Variants in ADGRA1 observed in about 807,000 individuals in gnomAD.
The protein encoded by ADGRA1 is adhesion G protein-coupled receptor A1, also known as G-protein coupled receptor 123.
A neutral mutation model predicts 21.3 loss-of-function variants in ADGRA1; 12 were observed. The observed-to-expected ratio is 0.56, with a 90% CI of 0.36 to 0.91. The LOEUF is 0.91. Among genes scored for constraint, ADGRA1 ranks in the 40% least tolerant of loss-of-function variants. ADGRA1 has a pLI of 0.01. For missense variants in ADGRA1, 790 were observed against 805.6 expected (o/e 0.98, Z 0.23); for synonymous variants, 385 against 368.8 (o/e 1.04, Z -0.50).
intron 4 of ADGRA1, chr10:133,102,191 A>G (rs1387098310): frequency 1.1e-5 from 5 of 455,982 alleles, no homozygotes; most frequent in Non-Finnish European, 2.2e-5. Context: ...CACCCACAGT[A>G]AGAGCATCCT....
intron 2 of ADGRA1, chr10:133,089,134 C>G (rs1851556637): frequency 1.3e-6 from 1 of 780,884 alleles, no homozygotes; most frequent in Non-Finnish European, 1.7e-6. Flanking sequence ...GCTGATCATA[C>G]TAATGAGTTG....
intron 2 of ADGRA1, among the ~76,000 whole-genome samples, chr10:133,091,874 A>G (rs1374090157): frequency 6.6e-6 from 1 of 152,134 alleles, no homozygotes; most frequent in Non-Finnish European, 1.5e-5. Flanking sequence ...TGACAGGCCC[A>G]AGGTCAAGGC....
chr10:133,105,535 G>A (rs1354059524), intron 5 of ADGRA1, among the ~76,000 whole-genome samples: 1 of 152,218 alleles, frequency 6.6e-6, no homozygotes, highest in Non-Finnish European at 1.5e-5. Flanking sequence ...TCTGCTTCCT[G>A]GAAACCAAAC....
intron 5 of ADGRA1, among the ~76,000 whole-genome samples, chr10:133,105,151 G>A (rs573963363): frequency 1.2e-4 from 18 of 152,332 alleles, no homozygotes; most frequent in African/African-American, 3.8e-4. Context: ...TGCGGTCTGG[G>A]AGGGAAGGGC....
chr10:133,089,153 T>C (rs1851557011), intron 2 of ADGRA1: 1 of 622,684 alleles, frequency 1.6e-6, no homozygotes, highest in South Asian at 8.0e-5. Context: ...TGCAGGCATA[T>C]GGCAATGTGG....
Position 133,088,694 on chromosome 10 carries a change from C to T in ADGRA1, c.-202-14C>T. ...ACCCTCCGCCCGCCCCGCTGACCGCCGCTGTCTTCACAGATGGGAGCAGCT... is the reference window on the plus strand; with the variant it reads ...ACCCTCCGCCCGCCCCGCTGACCGCTGCTGTCTTCACAGATGGGAGCAGCT... On this transcript the variant is annotated splice_polypyrimidine_tract_variant and intron_variant, in intron 1 of 6. Coordinates refer to ENST00000392607, the MANE Select transcript of ADGRA1 (RefSeq NM_001083909.3). The T allele has an allele frequency of 2.4e-6, 3 of 1,225,460 alleles. No homozygotes were observed. Among genetic ancestry groups the T allele is most frequent in the Non-Finnish European group, 3.0e-6 (3 of 983,866 alleles). The allele number at this position is 1,225,460 out of a possible 1,614,324, so 75.9% of individuals were successfully genotyped here.
At chr10:133,112,465 T>C (rs1214504104) in intron 5 of ADGRA1, among the ~76,000 whole-genome samples, 2 of 147,886 alleles carry the variant, frequency 1.4e-5, no homozygotes, top group African/African-American at 2.5e-5. Flanking sequence ...GTCAGTTATT[T>C]GGGGTCTGCG....
At chr10:133,110,198 C>G (rs1851962701) in intron 5 of ADGRA1, among the ~76,000 whole-genome samples, 1 of 152,222 alleles carries the variant, frequency 6.6e-6, no homozygotes, top group Non-Finnish European at 1.5e-5. Flanking sequence ...GGAACCTGCT[C>G]CTTCCTCCAG....
chr10:133,121,492 C>T (rs569870871), intron 5 of ADGRA1, among the ~76,000 whole-genome samples: 4 of 137,290 alleles, frequency 2.9e-5, no homozygotes, highest in African/African-American at 8.4e-5. Flanking sequence ...GTGGTGTGTG[C>T]CAGTGTGCGT....
intron 5 of ADGRA1, among the ~76,000 whole-genome samples, chr10:133,122,920 T>C (rs993500380): frequency 6.6e-6 from 1 of 151,800 alleles, no homozygotes; most frequent in Non-Finnish European, 1.5e-5. Context: ...TCACCTGGTT[T>C]CATAGCAGAT....
chr10:133,123,910 A>AC (rs1466264242), intron 5 of ADGRA1, among the ~76,000 whole-genome samples: 1 of 151,928 alleles, frequency 6.6e-6, no homozygotes, highest in Non-Finnish European at 1.5e-5. Context: ...CACTCACTTA[A>AC]CCCCATGTGC....
Position 133,116,811 on chromosome 10 carries a change from G to A in ADGRA1, c.402-10422G>A, listed in dbSNP as rs570105011. On this transcript the variant is annotated intron_variant, in intron 5 of 6. Transcript: ENST00000392607. ...TGACCCCCCAGCTCTGGTCAGTTCCGAGTCAGGCAAGGGGTGGGCAGGCGC... is the reference window on the plus strand; with the variant it reads ...TGACCCCCCAGCTCTGGTCAGTTCCAAGTCAGGCAAGGGGTGGGCAGGCGC... Among the ~76,000 whole-genome samples, 496 of 152,178 alleles carry A rather than the reference G, an allele frequency of 3.3e-3. 1 individual carries two copies. The highest frequency in any genetic ancestry group is 5.5e-3 in the Non-Finnish European group (373 of 68,010).
intron 2 of ADGRA1, among the ~76,000 whole-genome samples, chr10:133,092,581 G>A (rs1851612219): frequency 6.6e-6 from 1 of 152,072 alleles, no homozygotes; most frequent in Admixed American, 6.6e-5. Context: ...CAGATCAGTA[G>A]ATGCAATTAT....
intron 5 of ADGRA1, among the ~76,000 whole-genome samples, chr10:133,104,463 G>A (rs551059043): frequency 1.7e-4 from 26 of 152,306 alleles, no homozygotes; most frequent in African/African-American, 5.1e-4. Context: ...CCGCAGAGCC[G>A]TGCGTCTGTC....
chr10:133,117,017 G>A (rs908811865), intron 5 of ADGRA1, among the ~76,000 whole-genome samples: 8 of 152,254 alleles, frequency 5.3e-5, no homozygotes, highest in Admixed American at 1.3e-4. Context: ...AGGTGGCCTC[G>A]GTCGGTCACG....
rs1851531449 is a variant in ADGRA1 at position 133,088,063 on chromosome 10, C to T, written c.-278C>T. The T allele has an allele frequency of 1.0e-6, 1 of 985,098 alleles. No homozygotes were observed. Among genetic ancestry groups the T allele is most frequent in the African/African-American group, 1.7e-5 (1 of 57,204 alleles). The allele number at this position is 985,098 out of a possible 1,614,324, so 61.0% of individuals were successfully genotyped here. A position where few individuals can be genotyped will look rare whatever the true frequency, so the allele number is the denominator to read the frequency against. On this transcript the variant is annotated 5_prime_UTR_variant, in exon 1 of 7. Coordinates refer to ENST00000392607, the MANE Select transcript of ADGRA1 (RefSeq NM_001083909.3). The stretch of plus-strand genomic sequence containing the variant: ...GCCCTCGCGAATGGAGAGCGGGTCC[C>T]CGGCGGGGGGAGCGCAGCGCGTCTG...
intron 4 of ADGRA1, among the ~76,000 whole-genome samples, chr10:133,100,733 T>C (rs2806450): frequency 0.7 from 107,189 of 152,244 alleles, 38,117 homozygotes; most frequent in African/African-American, 0.81. Context: ...GCTGAGGGCC[T>C]GCAAGGTGCC....
intron 5 of ADGRA1, among the ~76,000 whole-genome samples, chr10:133,110,349 C>T (rs879591449): frequency 3.3e-5 from 5 of 152,268 alleles, no homozygotes; most frequent in Non-Finnish European, 5.9e-5. Flanking sequence ...CACACTCTGG[C>T]GGGAAGGCAG....
Position 133,098,673 on chromosome 10 carries a change from G to T in ADGRA1, c.165G>T (p.Thr55=). Residue 55 remains threonine, a synonymous_variant, in exon 4 of 7, where the codon ACG becomes ACT. Transcript: ENST00000392607. ...GCATCAGCCGCAAGGGCCGGCACAC[G>T]CTCCTGAATTTCTGCTTCCACGCGG... is the stretch of plus-strand genomic sequence containing the variant. ...AIRISRKGRH[T]LLNFCFHAAL... The T allele has an allele frequency of 6.2e-7, 1 of 1,611,100 alleles. No individual in the cohort carries two copies. The highest frequency in any genetic ancestry group is 1.3e-5 in the African/African-American group (1 of 75,046).
Sources: allele counts gnomAD v4.1 joint callset (sites outside exome capture counted in the v4.1 genomes callset), GRCh38; gene constraint gnomAD v4.1.1; transcripts MANE v1.5; gene names NCBI Gene and HGNC (gene_info 2026-07-23, HGNC 2026-07-21).